The following TRIM66 variants were observed in gnomAD, a reference collection of about 807,000 sequenced individuals.
The protein encoded by TRIM66 is tripartite motif-containing protein 66.
Under a neutral mutation model 148.2 loss-of-function variants are expected in TRIM66, and 99 were observed. The observed-to-expected ratio is 0.67, with a 90% confidence interval of 0.57 to 0.79. The LOEUF is 0.79. Among genes scored for constraint, TRIM66 ranks in the 30% least tolerant of loss-of-function variants. TRIM66 has a pLI of 0.00. For synonymous variants in TRIM66, 616 were observed against 635.9 expected, an observed-to-expected ratio of 0.97 and a Z score of 0.47; for missense variants, 1,666 against 1,697.9, an observed-to-expected ratio of 0.98 and a Z score of 0.33.
chr11:8,670,124 T>C (rs976681152), intron 6 of TRIM66, among the ~76,000 whole-genome samples: 5 of 151,874 alleles, frequency 3.3e-5, no homozygotes, highest in African/African-American at 7.3e-5. Flanking sequence ...GTGATTCTCA[T>C]GCCTCAGCCT....
chr11:8,619,631 A>C (rs1242780616), intron 22 of TRIM66, 96 bp from the exon 23 acceptor site: 4 of 1,194,948 alleles, frequency 3.3e-6, no homozygotes, highest in Non-Finnish European at 4.5e-6. Context: ...AATGAGGTGA[A>C]ATATAAGTGA....
chr11:8,626,733 C>T (rs2034887169), intron 15 of TRIM66, among the ~76,000 whole-genome samples: 1 of 152,234 alleles, frequency 6.6e-6, no homozygotes, highest in African/African-American at 2.4e-5. Context: ...CAGTGCGCTA[C>T]ATTCTTCTTA....
chr11:8,619,640 G>T, intron 22 of TRIM66, 105 bp from the exon 23 acceptor site: 1 of 1,097,940 alleles, frequency 9.1e-7, no homozygotes. Context: ...AAATATAAGT[G>T]AAAGAATAGG....
At chr11:8,638,870 G>C (rs2036128371) in intron 14 of TRIM66, 55 bp from the exon 15 acceptor site, 1 of 1,514,452 alleles carries the variant, frequency 6.6e-7, no homozygotes, top group African/African-American at 1.4e-5. Flanking sequence ...CGTAGCAGCA[G>C]CAGCAGTGGC....
rs1565533695 is a variant in TRIM66, at chr11:8,648,051, C to T, written c.761G>A (p.Arg254Lys). Reference sequence around the variant, plus strand: ...TGTAGTCACACCTTCCAGAAGCATCCTCTGGTTTTGCAAAACTTCTTCAAC... The same window carrying T: ...TGTAGTCACACCTTCCAGAAGCATCTTCTGGTTTTGCAAAACTTCTTCAAC... The part of the protein sequence containing the change: ...RHVEEVLQNQ[R>K]MLLEGVTTQV... Residue 254 changes from arginine (R) to lysine (K), a missense_variant, in exon 10 of 25, where the codon AGG becomes AAG. Arg to Lys is a conservative substitution (Grantham distance 26). Coordinates refer to ENST00000646038, the MANE Select transcript of TRIM66 (RefSeq NM_001388022.1). The T allele has an allele frequency of 6.4e-7, 1 of 1,551,710 alleles. No individual in the cohort carries two copies. Among genetic ancestry groups the T allele is most frequent in the Non-Finnish European group, 8.7e-7 (1 of 1,146,996 alleles).
intron 6 of TRIM66, among the ~76,000 whole-genome samples, chr11:8,671,545 T>A (rs2038932361): frequency 6.6e-6 from 1 of 152,230 alleles, no homozygotes; most frequent in Non-Finnish European, 1.5e-5. Flanking sequence ...TCCAGGCTTC[T>A]TAGTCTGCCA....
chr11:8,653,725 C>A (rs2037564363), intron 6 of TRIM66, among the ~76,000 whole-genome samples: 1 of 151,820 alleles, frequency 6.6e-6, no homozygotes, highest in Non-Finnish European at 1.5e-5. Flanking sequence ...ACTGATACAT[C>A]CCAGGAAAAT....
rs1249742646 is a variant in TRIM66, at chr11:8,620,551, C to G, written c.3567G>C (p.Leu1189Phe). 1 of 1,551,646 alleles carries G rather than the reference C, an allele frequency of 6.4e-7. No individual in the cohort carries two copies. The highest frequency in any genetic ancestry group is 2.4e-5 in the East Asian group (1 of 40,926). ...TCTCGGGCTGGGTCAGGCTGCGGCACAAGGTACACACCCACTCTCCCCTGC... is the reference window on the plus strand; with the variant it reads ...TCTCGGGCTGGGTCAGGCTGCGGCAGAAGGTACACACCCACTCTCCCCTGC... ...SFPGGEWVCT[L>F]CRSLTQPEME... Residue 1189 changes from leucine (L) to phenylalanine (F), a missense_variant, in exon 21 of 25, where the codon TTG (leucine) becomes TTC (phenylalanine). This residue lies in a region of TRIM66 where 31 missense variants were observed against 54.4 expected (regional missense o/e 0.57). Transcript: ENST00000646038.
chr11:8,648,090 G>A lies in TRIM66; in HGVS notation c.726-4C>T, dbSNP rs1234370972. 5 of 1,550,918 alleles carry A rather than the reference G, an allele frequency of 3.2e-6. No homozygotes were observed. In the East Asian group the frequency reaches 9.8e-5, roughly 30 times the overall value. On this transcript the variant is annotated splice_polypyrimidine_tract_variant and splice_region_variant and intron_variant, in intron 9 of 24. Transcript: ENST00000646038. The stretch of plus-strand genomic sequence containing the variant: ...AACTTCTTCAACATGTCTGCACCTA[G>A]GGGATGAGGCAGAGAAAAAGCTGAG...
rs984560738 is a variant in TRIM66 at position 8,648,006 on chromosome 11, G to C, written c.806C>G (p.Ser269Cys). The C allele has an allele frequency of 6.4e-7, 1 of 1,551,688 alleles. No homozygotes were observed. Among genetic ancestry groups the C allele is most frequent in the Non-Finnish European group, 8.7e-7 (1 of 1,147,010 alleles). ...TTGCTTTGCAGATGTCTGTAGACTGGATTTCTTATGTGCCACCTGTGTAGT... is the reference window on the plus strand; with the variant it reads ...TTGCTTTGCAGATGTCTGTAGACTGCATTTCTTATGTGCCACCTGTGTAGT... ...GVTTQVAHKK[S>C]SLQTSAKQIE... The change falls in exon 10 of 25, where the codon TCC (serine) becomes TGC (cysteine). Residue 269 changes from serine to cysteine, a missense_variant. Physicochemically the swap from Ser to Cys is moderately radical, Grantham distance 112. Around this residue, in one of 3 missense-constraint regions of TRIM66, gnomAD observed 1,431 missense variants for 1,412.4 expected, o/e 1.01. Coordinates refer to ENST00000646038, the MANE Select transcript of TRIM66 (RefSeq NM_001388022.1).
intron 17 of TRIM66, 55 bp downstream of exon 17, chr11:8,624,304 A>G: frequency 3.3e-6 from 5 of 1,525,680 alleles, no homozygotes; most frequent in Non-Finnish European, 4.4e-6. Flanking sequence ...AGAAGTGCTG[A>G]GTCCATCTGC....
chr11:8,672,304 G>T lies in TRIM66; in HGVS notation c.-30C>A. 6.5e-7 allele frequency: 1 copy of T among 1,536,132 alleles called. No individual in the cohort carries two copies. Among genetic ancestry groups the T allele is most frequent in the Non-Finnish European group, 8.7e-7 (1 of 1,146,912 alleles). Reference sequence around the variant, plus strand: ...GCCGTGGAAAACAAAGCGTGGAGGTGTCTGCTGTTTGTCTGAAGGCGAACA... The same window carrying T: ...GCCGTGGAAAACAAAGCGTGGAGGTTTCTGCTGTTTGTCTGAAGGCGAACA... On this transcript the variant is annotated 5_prime_UTR_variant, in exon 5 of 25. Transcript: ENST00000646038.
At chr11:8,628,224 T>C (rs2035038493) in intron 15 of TRIM66, among the ~76,000 whole-genome samples, 1 of 152,194 alleles carries the variant, frequency 6.6e-6, no homozygotes, top group South Asian at 2.1e-4. Context: ...ATAGAAGTAG[T>C]GATAGTAGCC....
intron 10 of TRIM66, among the ~76,000 whole-genome samples, chr11:8,647,155 G>A (rs1377923201): frequency 6.6e-6 from 1 of 150,992 alleles, no homozygotes; most frequent in African/African-American, 2.4e-5. Context: ...TTTTTGGGGG[G>A]ATGAAAATGT....
intron 24 of TRIM66, 61 bp downstream of exon 24, chr11:8,618,689 G>A (rs925595218): frequency 2.8e-6 from 4 of 1,446,344 alleles, no homozygotes; most frequent in Non-Finnish European, 3.8e-6. Context: ...GGTTCTGCTT[G>A]GGTGCCCCTC....
At position 8,620,576 on chromosome 11, in the gene TRIM66, C is replaced by A. The variant is rs748558605; in HGVS notation, c.3546-4G>T. The stretch of plus-strand genomic sequence containing the variant: ...CAAGGTACACACCCACTCTCCCCTG[C>A]AGGGGCAGGTGAGGCCATGTTAGGC... On this transcript the variant is annotated splice_region_variant and splice_polypyrimidine_tract_variant and intron_variant, in intron 20 of 24. Coordinates refer to ENST00000646038, the MANE Select transcript of TRIM66 (RefSeq NM_001388022.1). The A allele has an allele frequency of 2.8e-4, 438 of 1,551,604 alleles. 1 individual carries two copies. Among genetic ancestry groups the A allele is most frequent in the Middle Eastern group, 1.2e-3 (7 of 5,990 alleles).
intron 6 of TRIM66, among the ~76,000 whole-genome samples, chr11:8,661,759 C>G (rs1220304671): frequency 6.6e-6 from 1 of 152,202 alleles, no homozygotes; most frequent in East Asian, 1.9e-4. Flanking sequence ...TAAGGGCCTT[C>G]CCTGCCTTTT....
Position 8,625,011 on chromosome 11 carries a change from C to A in TRIM66, c.2528G>T (p.Ser843Ile), listed in dbSNP as rs375104729. 6.4e-7 allele frequency: 1 copy of A among 1,551,736 alleles called. No homozygotes were observed. The highest frequency in any genetic ancestry group is 1.4e-5 in the African/African-American group (1 of 73,184). The change falls in exon 16 of 25, where the codon AGT becomes ATT. Residue 843 changes from serine to isoleucine, a missense_variant. Coordinates refer to ENST00000646038, the MANE Select transcript of TRIM66 (RefSeq NM_001388022.1). ...AAGGCTGGGCACAGTCTGTAGGTGA[C>A]TGGTTGTCAGGCTGGGCATGGCCTG... The part of the protein sequence containing the change: ...QNQAMPSLTT[S>I]HLQTVPSLVH...
chr11:8,643,732 C>T lies in TRIM66; in HGVS notation c.1105-606G>A, dbSNP rs11042024. On this transcript the variant is annotated intron_variant, in intron 12 of 24. Transcript: ENST00000646038. ...TGACTGGCAGCTCCATTCATTCTACCATCACCTCAATTTAAAAGCCTAGTG... is the reference window on the plus strand; with the variant it reads ...TGACTGGCAGCTCCATTCATTCTACTATCACCTCAATTTAAAAGCCTAGTG... Among the ~76,000 whole-genome samples the T allele has an allele frequency of 3.4e-4, 52 of 152,260 alleles. No individual in the cohort carries two copies. The East Asian group carries it at 9.1e-3, about 27-fold the overall frequency.
Sources: gnomAD v4.1 joint callset for allele counts (sites outside exome capture counted in the v4.1 genomes callset) on GRCh38, gnomAD v4.1.1 for gene constraint, gnomAD v4.1.1 regional missense constraint, MANE v1.5 for transcripts, NCBI Gene and HGNC (gene_info 2026-07-23, HGNC 2026-07-21) for gene names.